The following CLIP1 variants were observed in gnomAD, a reference collection of about 807,000 sequenced individuals.
CLIP1 encodes the protein CAP-Gly domain containing linker protein 1, also known as CAP-Gly domain-containing linker protein 1.
A neutral mutation model predicts 161.6 loss-of-function variants in CLIP1; 66 were observed. The observed-to-expected ratio is 0.41, with a 90% CI of 0.33 to 0.50. The LOEUF is 0.50. CLIP1 is among the 20% of genes least tolerant of loss of function. The pLI is 0.27. For missense variants in CLIP1, 1,376 were observed against 1,702.0 expected (o/e 0.81, Z 3.37); for synonymous variants, 598 against 626.2 (o/e 0.96, Z 0.67).
chr12:122,362,340 G>A (rs1204743479), intron 4 of CLIP1, among the ~76,000 whole-genome samples: 1 of 151,338 alleles, frequency 6.6e-6, no homozygotes, highest in Non-Finnish European at 1.5e-5. Flanking sequence ...CTAACATACA[G>A]GAAAAATCTA....
At chr12:122,371,327 A>G (rs1200867373) in intron 3 of CLIP1, among the ~76,000 whole-genome samples, 1 of 152,160 alleles carries the variant, frequency 6.6e-6, no homozygotes, top group East Asian at 1.9e-4. Flanking sequence ...CCCAAGCCCC[A>G]AGAGCCTATA....
chr12:122,304,977 C>T (rs1037761874), intron 20 of CLIP1, among the ~76,000 whole-genome samples: 14 of 152,304 alleles, frequency 9.2e-5, no homozygotes, highest in African/African-American at 3.4e-4. Flanking sequence ...AATTTAGATG[C>T]TAACCCCAAT....
At chr12:122,341,757 C>CTTTTTTTTTTTTTTTTTTTTTTTT (rs1952510340) in intron 10 of CLIP1, 60 bp from the exon 11 acceptor site, 1 of 89,000 alleles carries the variant, frequency 1.1e-5, no homozygotes, top group Non-Finnish European at 2.4e-5. Flanking sequence ...TGACTATTTT[C>CTTTTTTTTTTTTTTTTTTTTTTTT]TTTTCTTTTT....
chr12:122,349,758 C>T (rs1165867583), intron 9 of CLIP1, among the ~76,000 whole-genome samples: 1 of 152,180 alleles, frequency 6.6e-6, no homozygotes, highest in Non-Finnish European at 1.5e-5. Flanking sequence ...GGGGGGAAAT[C>T]CCATGCAGAC....
chr12:122,278,237 G>A lies in CLIP1; in HGVS notation c.3917-34C>T. 2 of 1,308,536 alleles carry A rather than the reference G, an allele frequency of 1.5e-6. 1 individual carries two copies. The highest frequency in any genetic ancestry group is 2.1e-6 in the Non-Finnish European group (2 of 931,496). The allele number at this position is 1,308,536 out of a possible 1,614,324, so 81.1% of individuals were successfully genotyped here. A position where few individuals can be genotyped will look rare whatever the true frequency, so the allele number is the denominator to read the frequency against. ...TGAGGAAAAAAAAAAAAAAACAAGT[G>A]GAGGGAGAATATATGTATATTTTTA... On this transcript the variant is annotated intron_variant, in intron 23 of 25. Coordinates refer to ENST00000620786, the MANE Select transcript of CLIP1 (RefSeq NM_001247997.2).
At chr12:122,367,181 C>G (rs1173478708) in intron 3 of CLIP1, among the ~76,000 whole-genome samples, 1 of 152,198 alleles carries the variant, frequency 6.6e-6, no homozygotes, top group East Asian at 1.9e-4. Flanking sequence ...AAGCAAACTA[C>G]AAGCTTCATT....
At chr12:122,408,611 G>A (rs1319484147) in intron 1 of CLIP1, among the ~76,000 whole-genome samples, 1 of 152,048 alleles carries the variant, frequency 6.6e-6, no homozygotes, top group East Asian at 1.9e-4. Context: ...GCCTCCCAAA[G>A]TGCTGGGATT....
chr12:122,364,968 A>G, intron 3 of CLIP1: 1 of 441,924 alleles, frequency 2.3e-6, no homozygotes, highest in South Asian at 1.9e-5. Context: ...CATCATTCTC[A>G]GTAAACTATC....
chr12:122,408,569 C>T (rs551318516), intron 1 of CLIP1, among the ~76,000 whole-genome samples: 1 of 152,050 alleles, frequency 6.6e-6, no homozygotes, highest in East Asian at 1.9e-4. Context: ...AGGATGGTCT[C>T]GATCTCCTGA....
At chr12:122,365,679 A>T in intron 3 of CLIP1, 2 of 547,092 alleles carry the variant, frequency 3.7e-6, no homozygotes, top group Non-Finnish European at 3.3e-6. Context: ...GGGCTATTTA[A>T]AAAAAAAAAA....
chr12:122,411,638 G>A (rs535565358), intron 1 of CLIP1, among the ~76,000 whole-genome samples: 5 of 152,292 alleles, frequency 3.3e-5, no homozygotes, highest in Admixed American at 6.5e-5. Flanking sequence ...AGCGAAGGAA[G>A]CCAGTCATAA....
At position 122,350,159 on chromosome 12, in the gene CLIP1, C is replaced by T. The variant is rs528963040; in HGVS notation, c.1401+952G>A. On this transcript the variant is annotated intron_variant, in intron 9 of 25. Coordinates refer to ENST00000620786, the MANE Select transcript of CLIP1 (RefSeq NM_001247997.2). ...ACCTTAGGTGTTCTGCCCGCCTCAA[C>T]CTCCCAAAGTGCTGGGATTACAGGT... 1.9e-4 allele frequency among the ~76,000 whole-genome samples: 29 copies of T among 152,264 alleles called. No individual in the cohort carries two copies. In the South Asian group the frequency reaches 6.0e-3, roughly 32 times the overall value.
intron 3 of CLIP1, among the ~76,000 whole-genome samples, chr12:122,364,579 A>G (rs1165046030): frequency 6.6e-6 from 1 of 150,842 alleles, no homozygotes; most frequent in Non-Finnish European, 1.5e-5. Flanking sequence ...TTTTTTTTGT[A>G]TTTTTTGTGG....
chr12:122,376,134 C>T (rs1954717228), intron 3 of CLIP1, among the ~76,000 whole-genome samples: 1 of 152,032 alleles, frequency 6.6e-6, no homozygotes, highest in Admixed American at 6.6e-5. Context: ...GACGGGGTGT[C>T]GCCATGTTGG....
At chr12:122,415,203 T>C (rs1008278952) in intron 1 of CLIP1, among the ~76,000 whole-genome samples, 2 of 152,164 alleles carry the variant, frequency 1.3e-5, no homozygotes, top group Admixed American at 6.6e-5. Context: ...GAAAAGTGGC[T>C]GGGCGCAGTG....
intron 1 of CLIP1, among the ~76,000 whole-genome samples, chr12:122,413,624 G>A (rs529197864): frequency 5.3e-5 from 8 of 152,320 alleles, no homozygotes; most frequent in Admixed American, 3.3e-4. Context: ...CAAAATGTCT[G>A]CCTGTAGTCT....
chr12:122,379,944 T>TAAAAAAAAAAAAAAAA (rs10661606), intron 2 of CLIP1, among the ~76,000 whole-genome samples: 1 of 99,720 alleles, frequency 1.0e-5, no homozygotes, highest in African/African-American at 3.8e-5. Context: ...ACTCCATCTT[T>TAAAAAAAAAAAAAAAA]AAAAAAAAAA....
intron 20 of CLIP1, among the ~76,000 whole-genome samples, chr12:122,306,475 C>G (rs1201408472): frequency 6.6e-6 from 1 of 152,154 alleles, no homozygotes; most frequent in African/African-American, 2.4e-5. Flanking sequence ...CAAACCTACA[C>G]GTCGTGCTCT....
chr12:122,297,798 A>C (rs1950529919), intron 20 of CLIP1, among the ~76,000 whole-genome samples: 1 of 152,192 alleles, frequency 6.6e-6, no homozygotes, highest in Non-Finnish European at 1.5e-5. Context: ...AGACACAGTG[A>C]TCGGCTGCAC....
Sources: allele counts gnomAD v4.1 joint callset (sites outside exome capture counted in the v4.1 genomes callset), GRCh38; gene constraint gnomAD v4.1.1; transcripts MANE v1.5; gene names NCBI Gene and HGNC (gene_info 2026-07-23, HGNC 2026-07-21).